RYR3: variants seen among roughly 807,000 people sequenced by gnomAD.
RYR3 encodes the protein ryanodine receptor 3, also known as brain ryanodine receptor-calcium release channel.
In RYR3, 207 loss-of-function variants were observed where a neutral mutation model predicts 584.3. The ratio of observed to expected loss-of-function variants is 0.35; its 90% CI spans 0.32 to 0.40. The LOEUF is 0.40. Ranked by LOEUF, RYR3 falls within the 10% of genes least tolerant of loss-of-function variation. RYR3 has a pLI of 1.00. For synonymous variants in RYR3, 2,416 were observed against 2,248.5 expected (o/e 1.07, Z -2.11); for missense variants, 5,616 against 6,089.2 (o/e 0.92, Z 2.59).
intron 62 of RYR3, among the ~76,000 whole-genome samples, chr15:33,770,418 G>A (rs1000116819): frequency 2.6e-5 from 4 of 152,168 alleles, no homozygotes; most frequent in Non-Finnish European, 5.9e-5. Context: ...GTTGCAGGTT[G>A]GTGTGTTTAG....
intron 85 of RYR3, 108 bp downstream of exon 85, chr15:33,827,395 G>A (rs1399753998): frequency 1.0e-6 from 1 of 971,562 alleles, no homozygotes; most frequent in African/African-American, 1.6e-5. Context: ...GCCCCTATAA[G>A]GAAGGCGTTG....
At chr15:33,491,289 C>T (rs933891158) in intron 2 of RYR3, among the ~76,000 whole-genome samples, 4 of 152,140 alleles carry the variant, frequency 2.6e-5, no homozygotes, top group African/African-American at 4.8e-5. Flanking sequence ...CCTAGGTTTC[C>T]GGTTGCTATA....
chr15:33,623,080 C>A (rs1347407191), intron 19 of RYR3, among the ~76,000 whole-genome samples: 2 of 152,150 alleles, frequency 1.3e-5, no homozygotes, highest in Non-Finnish European at 2.9e-5. Flanking sequence ...GTGAGCACTG[C>A]AGGAGGTGGG....
At chr15:33,388,587 A>T (rs185302441) in intron 1 of RYR3, among the ~76,000 whole-genome samples, 1 of 152,344 alleles carries the variant, frequency 6.6e-6, no homozygotes, top group Non-Finnish European at 1.5e-5. Context: ...GGACAAGTAT[A>T]AATCCCAGGA....
At chr15:33,589,868 TGTA>T (rs1213267126) in intron 16 of RYR3, among the ~76,000 whole-genome samples, 3 of 152,190 alleles carry the variant, frequency 2.0e-5, no homozygotes, top group African/African-American at 7.2e-5. Flanking sequence ...ACTATAGCCT[TGTA>T]GTATAATTTG....
chr15:33,442,842 C>T (rs2046341482), intron 1 of RYR3, among the ~76,000 whole-genome samples: 1 of 152,186 alleles, frequency 6.6e-6, no homozygotes, highest in Admixed American at 6.5e-5. Context: ...ATGTGTTTGT[C>T]CACCACAAGG....
chr15:33,360,685 T>C (rs1974634804), intron 1 of RYR3, among the ~76,000 whole-genome samples: 2 of 152,246 alleles, frequency 1.3e-5, no homozygotes. Context: ...AAGTGAAGAA[T>C]TGGAGCCTTA....
chr15:33,773,663 T>C, intron 64 of RYR3, 48 bp downstream of exon 64: 1 of 1,230,136 alleles, frequency 8.1e-7, no homozygotes, highest in Non-Finnish European at 1.2e-6. Context: ...AGTAAAATGT[T>C]ACTTACAGCC....
chr15:33,318,953 C>G (rs937317157), intron 1 of RYR3, among the ~76,000 whole-genome samples: 11 of 152,122 alleles, frequency 7.2e-5, no homozygotes, highest in Non-Finnish European at 1.3e-4. Context: ...GCCCCTGAAA[C>G]CATTTCAAAG....
At chr15:33,635,022 A>C (rs771948070) in intron 25 of RYR3, among the ~76,000 whole-genome samples, 1 of 152,130 alleles carries the variant, frequency 6.6e-6, no homozygotes, top group Non-Finnish European at 1.5e-5. Context: ...CTGATCAAAA[A>C]CCAAGTCACT....
chr15:33,662,864 T>C lies in RYR3; in HGVS notation c.5334T>C (p.Ala1778=), dbSNP rs1185055893. The C allele has an allele frequency of 1.9e-6, 3 of 1,613,604 alleles. No homozygotes were observed. The highest frequency in any genetic ancestry group is 2.5e-6 in the Non-Finnish European group (3 of 1,179,860). The change falls in exon 35 of 104, where the codon GCT becomes GCC. Residue 1778 remains alanine (A), a synonymous_variant. Coordinates refer to ENST00000634891, the MANE Select transcript of RYR3 (RefSeq NM_001036.6). ...AAGTGACCCAGGTGGAGGAGAAGGC[T>C]GTGGAGGCTGGGGAGAAGGCCGGCA... ...KEEVTQVEEK[A]VEAGEKAGKE... is the part of the protein sequence containing the mutation.
intron 1 of RYR3, among the ~76,000 whole-genome samples, chr15:33,437,402 AGAG>A (rs762425641): frequency 8.5e-5 from 13 of 152,368 alleles, no homozygotes; most frequent in Admixed American, 2.0e-4. Context: ...GTCAGGAAGA[AGAG>A]GAGAAGTATA....
At chr15:33,800,694 T>C (rs2075870059) in intron 67 of RYR3, 76 bp from the exon 68 acceptor site, 1 of 1,009,818 alleles carries the variant, frequency 9.9e-7, no homozygotes, top group East Asian at 2.4e-5. Flanking sequence ...TCTCCAGTGC[T>C]GGTATAATTT....
chr15:33,486,698 A>G (rs986534551), intron 2 of RYR3, among the ~76,000 whole-genome samples: 1 of 152,206 alleles, frequency 6.6e-6, no homozygotes, highest in Non-Finnish European at 1.5e-5. Flanking sequence ...TGCAAATCTT[A>G]GAGTTAACAG....
chr15:33,700,776 C>T (rs113929921), intron 41 of RYR3, among the ~76,000 whole-genome samples: 2,050 of 152,158 alleles, frequency 0.013, 50 homozygotes, highest in African/African-American at 0.047. Flanking sequence ...TTCGTATTCA[C>T]GGCAATGAAT....
intron 67 of RYR3, among the ~76,000 whole-genome samples, chr15:33,797,747 C>G (rs1596648950): frequency 6.6e-6 from 1 of 152,004 alleles, no homozygotes; most frequent in East Asian, 1.9e-4. Context: ...TGTTTTGTTC[C>G]TTGGCTAGAT....
At chr15:33,830,491 GA>G (rs945883029) in intron 85 of RYR3, among the ~76,000 whole-genome samples, 15 of 152,184 alleles carry the variant, frequency 9.9e-5, no homozygotes. Flanking sequence ...TGTACGCTGA[GA>G]AATCAACATT....
At chr15:33,417,527 C>T (rs1420824640) in intron 1 of RYR3, among the ~76,000 whole-genome samples, 1 of 152,054 alleles carries the variant, frequency 6.6e-6, no homozygotes, top group Admixed American at 6.6e-5. Context: ...GATTTTTGTA[C>T]ATTGATTTTT....
At chr15:33,792,937 C>G (rs1277950616) in intron 67 of RYR3, among the ~76,000 whole-genome samples, 1 of 152,162 alleles carries the variant, frequency 6.6e-6, no homozygotes, top group Non-Finnish European at 1.5e-5. Flanking sequence ...TAGTGCAGAT[C>G]CCACAGGTCA....
Sources: allele counts gnomAD v4.1 joint callset (sites outside exome capture counted in the v4.1 genomes callset), GRCh38; gene constraint gnomAD v4.1.1; transcripts MANE v1.5; gene names NCBI Gene and HGNC (gene_info 2026-07-23, HGNC 2026-07-21).